ARHGEF7: variants seen among roughly 807,000 people sequenced by gnomAD.
ARHGEF7 encodes the protein Rho guanine nucleotide exchange factor 7, also known as PAK-interacting exchange factor beta.
In ARHGEF7, 33 loss-of-function variants were observed where a neutral mutation model predicts 109.8. The ratio of observed to expected loss-of-function variants is 0.30; its 90% CI spans 0.23 to 0.40. The LOEUF is 0.40. Among genes scored for constraint, ARHGEF7 ranks in the 10% least tolerant of loss-of-function variants. The pLI, the probability that ARHGEF7 is intolerant of heterozygous loss-of-function variation, is 1.00. For missense variants in ARHGEF7, 938 were observed against 1,098.5 expected (o/e 0.85, Z 2.07); for synonymous variants, 458 against 424.6 (o/e 1.08, Z -0.97).
At chr13:111,206,904 G>T (rs1330801476) in intron 3 of ARHGEF7, among the ~76,000 whole-genome samples, 13 of 146,606 alleles carry the variant, frequency 8.9e-5, no homozygotes, top group Non-Finnish European at 1.8e-4. Context: ...GGAGCTTGCA[G>T]TGAGCCGAGA....
Position 111,115,398 on chromosome 13 carries a change from C to G in ARHGEF7, c.-129C>G, listed in dbSNP as rs548234576. On this transcript the variant is annotated 5_prime_UTR_variant, in exon 1 of 22. Transcript: ENST00000646102. The stretch of plus-strand genomic sequence containing the variant: ...GCCGGGCCGGACCTGCTGGGCCGCG[C>G]CGAGCCAATCGCCGGCGCCGGCCGC... The G allele has an allele frequency of 5.3e-5, 32 of 609,294 alleles. No homozygotes were observed. In the Admixed American group the frequency reaches 1.8e-3, roughly 34 times the overall value. 37.7% of individuals were successfully genotyped at this position (609,294 alleles called of 1,614,324 possible).
intron 2 of ARHGEF7, among the ~76,000 whole-genome samples, chr13:111,154,284 C>G (rs1455767221): frequency 6.6e-6 from 1 of 152,206 alleles, no homozygotes; most frequent in Non-Finnish European, 1.5e-5. Flanking sequence ...GTGCAGGTGA[C>G]ACACATTTTC....
At chr13:111,132,451 A>G (rs1324589905) in intron 1 of ARHGEF7, among the ~76,000 whole-genome samples, 2 of 152,222 alleles carry the variant, frequency 1.3e-5, no homozygotes, top group Admixed American at 6.5e-5. Context: ...TCTGTTTTGC[A>G]GGTGACATTT....
intron 1 of ARHGEF7, among the ~76,000 whole-genome samples, chr13:111,139,012 A>G (rs1204239780): frequency 6.6e-6 from 1 of 152,228 alleles, no homozygotes; most frequent in African/African-American, 2.4e-5. Flanking sequence ...TCAAAAAGCA[A>G]TGACAGGTTC....
chr13:111,136,179 G>T (rs928466177), intron 1 of ARHGEF7, among the ~76,000 whole-genome samples: 1 of 152,134 alleles, frequency 6.6e-6, no homozygotes, highest in African/African-American at 2.4e-5. Context: ...TTTTTGATGT[G>T]CTCCTGGATT....
intron 1 of ARHGEF7, among the ~76,000 whole-genome samples, chr13:111,117,873 T>G (rs1166436296): frequency 1.3e-5 from 2 of 152,142 alleles, no homozygotes; most frequent in Non-Finnish European, 2.9e-5. Flanking sequence ...GTTATCTGGG[T>G]TTTTGGTGTT....
rs938334742 is a variant in ARHGEF7 at position 111,301,633 on chromosome 13, C to G, written c.2466+101C>G. ...GCTGGCTGGGTACGGTGGCTCACACCTATAATCCCAGCACTTTAGAAGGCC... is the reference window on the plus strand; with the variant it reads ...GCTGGCTGGGTACGGTGGCTCACACGTATAATCCCAGCACTTTAGAAGGCC... On this transcript the variant is annotated intron_variant, in intron 21 of 21. Coordinates refer to ENST00000646102, the MANE Select transcript of ARHGEF7 (RefSeq NM_001354046.2). The G allele has an allele frequency of 4.2e-6, 4 of 961,994 alleles. No individual in the cohort carries two copies. In the African/African-American group the frequency reaches 6.5e-5, roughly 16 times the overall value. 59.6% of individuals were successfully genotyped at this position (961,994 alleles called of 1,614,324 possible). A position where few individuals can be genotyped will look rare whatever the true frequency, so the allele number is the denominator to read the frequency against.
At position 111,182,908 on chromosome 13, in the gene ARHGEF7, C is replaced by T. The variant is rs187347832; in HGVS notation, c.253-22381C>T. Among the ~76,000 whole-genome samples, 507 of 152,324 alleles carry T rather than the reference C, an allele frequency of 3.3e-3. 1 individual carries two copies. Among genetic ancestry groups the T allele is most frequent in the South Asian group, 7.9e-3 (38 of 4,828 alleles). ...TCAGTACGTCACATGAGCTATTCAA[C>T]GCTGTGTTATAAAATATGCTCTTGT... On this transcript the variant is annotated intron_variant, in intron 2 of 21. Transcript: ENST00000646102.
chr13:111,142,923 C>G (rs2075416123), intron 1 of ARHGEF7, among the ~76,000 whole-genome samples: 1 of 152,228 alleles, frequency 6.6e-6, no homozygotes, highest in Non-Finnish European at 1.5e-5. Flanking sequence ...TTAAACACAG[C>G]TTTGAAGCAA....
chr13:111,284,168 G>T (rs560683387), intron 16 of ARHGEF7, among the ~76,000 whole-genome samples: 2 of 152,254 alleles, frequency 1.3e-5, no homozygotes, highest in Middle Eastern at 3.4e-3. Context: ...AGTGTGAGCA[G>T]CAGTGCCCGT....
chr13:111,261,310 C>A (rs1364838046), intron 8 of ARHGEF7, among the ~76,000 whole-genome samples: 1 of 151,878 alleles, frequency 6.6e-6, no homozygotes, highest in Non-Finnish European at 1.5e-5. Flanking sequence ...CCAAAAAGAG[C>A]AGGAGTAGCT....
At chr13:111,221,535 A>ATC (rs1396345839) in intron 5 of ARHGEF7, among the ~76,000 whole-genome samples, 3 of 84,204 alleles carry the variant, frequency 3.6e-5, no homozygotes, top group Non-Finnish European at 6.9e-5. Flanking sequence ...ATATATATCT[A>ATC]TATATAGATA....
At position 111,283,155 on chromosome 13, in the gene ARHGEF7, T is replaced by C; in HGVS notation, c.1742T>C (p.Val581Ala). The change falls in exon 16 of 22, where the codon GTC (valine) becomes GCC (alanine). Residue 581 changes from valine to alanine, a missense_variant. Physicochemically the swap from Val to Ala is moderately conservative, Grantham distance 64. Coordinates refer to ENST00000646102, the MANE Select transcript of ARHGEF7 (RefSeq NM_001354046.2). ...CCTTGGCAGCTCCCCTCCCACCCGG[T>C]CACTCCGTCCAGCAAGCACGCAGAC... ...VPSHTLPSHPVTPSSKHADSK... is the reference protein window; with the variant it reads ...VPSHTLPSHPATPSSKHADSK... 6.3e-7 allele frequency: 1 copy of C among 1,590,060 alleles called. No homozygotes were observed. The highest frequency in any genetic ancestry group is 8.6e-7 in the Non-Finnish European group (1 of 1,168,794).
At chr13:111,236,175 G>A (rs1301745180) in intron 6 of ARHGEF7, among the ~76,000 whole-genome samples, 1 of 152,164 alleles carries the variant, frequency 6.6e-6, no homozygotes, top group Non-Finnish European at 1.5e-5. Flanking sequence ...TGGGACTCCT[G>A]TGGTGCAATT....
chr13:111,188,195 A>T (rs1362467241), intron 2 of ARHGEF7, among the ~76,000 whole-genome samples: 1 of 152,088 alleles, frequency 6.6e-6, no homozygotes, highest in Non-Finnish European at 1.5e-5. Context: ...CACGCTGTGG[A>T]GCTGTCTTGG....
chr13:111,263,390 G>A (rs2091304247), intron 8 of ARHGEF7, among the ~76,000 whole-genome samples: 1 of 151,976 alleles, frequency 6.6e-6, no homozygotes, highest in South Asian at 2.1e-4. Context: ...TATAAGCTAT[G>A]CTGAAATATG....
At chr13:111,165,793 G>A (rs1487274712) in intron 2 of ARHGEF7, among the ~76,000 whole-genome samples, 1 of 152,200 alleles carries the variant, frequency 6.6e-6, no homozygotes, top group Non-Finnish European at 1.5e-5. Context: ...CTAGCAAATA[G>A]AAACCAGAGT....
At chr13:111,293,195 G>T (rs2093342423) in intron 19 of ARHGEF7, 1 of 985,296 alleles carries the variant, frequency 1.0e-6, no homozygotes, top group East Asian at 1.1e-4. Context: ...CTGGACTGTA[G>T]TAGAGGCATT....
At chr13:111,301,116 T>G (rs1302627795) in intron 20 of ARHGEF7, among the ~76,000 whole-genome samples, 1 of 152,206 alleles carries the variant, frequency 6.6e-6, no homozygotes, top group South Asian at 2.1e-4. Flanking sequence ...GCCTGGCTAA[T>G]TTTTGTATTT....
Sources: gnomAD v4.1 joint callset for allele counts (sites outside exome capture counted in the v4.1 genomes callset) on GRCh38, gnomAD v4.1.1 for gene constraint, MANE v1.5 for transcripts, NCBI Gene and HGNC (gene_info 2026-07-23, HGNC 2026-07-21) for gene names.